FOXN3: variants seen among roughly 807,000 people sequenced by gnomAD.
FOXN3 encodes forkhead box N3, also known as forkhead box protein N3.
A neutral mutation model predicts 38.4 loss-of-function variants in FOXN3; 7 were observed. The observed-to-expected ratio is 0.18, with a 90% CI of 0.10 to 0.34. The LOEUF is 0.34. Among genes scored for constraint, FOXN3 ranks in the 10% least tolerant of loss-of-function variants. The probability of loss-of-function intolerance (pLI) is 1.00; values close to 1 mark genes in which losing one functional copy is unlikely to be tolerated. For missense variants in FOXN3, 456 were observed against 613.4 expected, an observed-to-expected ratio of 0.74 and a Z score of 2.71; for synonymous variants, 230 against 242.2, an observed-to-expected ratio of 0.95 and a Z score of 0.47.
intron 3 of FOXN3, among the ~76,000 whole-genome samples, chr14:89,322,903 C>T (rs1294688314): frequency 6.6e-6 from 1 of 152,166 alleles, no homozygotes; most frequent in African/African-American, 2.4e-5. Flanking sequence ...AAAAGAAAGT[C>T]CCCGCTCTCA....
chr14:89,240,155 T>C (rs1176578961), intron 4 of FOXN3, among the ~76,000 whole-genome samples: 1 of 152,160 alleles, frequency 6.6e-6, no homozygotes, highest in Non-Finnish European at 1.5e-5. Context: ...TACCCAGACT[T>C]CTCGATGGAC....
intron 1 of FOXN3, among the ~76,000 whole-genome samples, chr14:89,519,178 T>C (rs1894270114): frequency 6.6e-6 from 1 of 152,172 alleles, no homozygotes; most frequent in Non-Finnish European, 1.5e-5. Flanking sequence ...AAGCCCCAGC[T>C]GCAGATGCCT....
At chr14:89,479,316 G>A (rs947265999) in intron 1 of FOXN3, among the ~76,000 whole-genome samples, 9 of 152,012 alleles carry the variant, frequency 5.9e-5, no homozygotes, top group African/African-American at 1.7e-4. Context: ...CCTCTCTCTC[G>A]GGAGCCCTAA....
intron 1 of FOXN3, among the ~76,000 whole-genome samples, chr14:89,490,495 C>G (rs1359245448): frequency 1.3e-5 from 2 of 152,204 alleles, no homozygotes; most frequent in Non-Finnish European, 2.9e-5. Flanking sequence ...GTCCACACAC[C>G]TGGGGCGCTA....
chr14:89,411,235 T>C (rs1255228126), intron 2 of FOXN3, among the ~76,000 whole-genome samples: 1 of 152,224 alleles, frequency 6.6e-6, no homozygotes, highest in Non-Finnish European at 1.5e-5. Context: ...CCCTTGGCTC[T>C]CCACAAAATG....
intron 2 of FOXN3, among the ~76,000 whole-genome samples, chr14:89,399,840 G>A (rs1891200006): frequency 6.6e-6 from 1 of 152,210 alleles, no homozygotes; most frequent in Admixed American, 6.5e-5. Flanking sequence ...TGAAAGCAAG[G>A]AAGCCGCCAC....
chr14:89,367,599 C>T (rs532762709), intron 2 of FOXN3, among the ~76,000 whole-genome samples: 1 of 152,114 alleles, frequency 6.6e-6, no homozygotes, highest in Non-Finnish European at 1.5e-5. Flanking sequence ...AGTGCTCCAG[C>T]GGGAACACAG....
At chr14:89,522,424 A>C (rs1894340667) in intron 1 of FOXN3, among the ~76,000 whole-genome samples, 1 of 152,230 alleles carries the variant, frequency 6.6e-6, no homozygotes, top group Non-Finnish European at 1.5e-5. Flanking sequence ...TGTACACAAA[A>C]GAATGAAAAG....
chr14:89,311,759 G>A (rs900931676), intron 3 of FOXN3, among the ~76,000 whole-genome samples: 20 of 152,276 alleles, frequency 1.3e-4, no homozygotes, highest in Non-Finnish European at 2.2e-4. Flanking sequence ...CTGGGAGGCA[G>A]AGGTTGCAGT....
intron 1 of FOXN3, among the ~76,000 whole-genome samples, chr14:89,425,680 T>G (rs1158479042): frequency 6.6e-6 from 1 of 152,216 alleles, no homozygotes; most frequent in Non-Finnish European, 1.5e-5. Flanking sequence ...CTGATTATTT[T>G]TATTCATAGT....
chr14:89,521,224 C>A (rs1894308642), intron 1 of FOXN3, among the ~76,000 whole-genome samples: 2 of 151,902 alleles, frequency 1.3e-5, no homozygotes, highest in Admixed American at 6.6e-5. Context: ...GCAGGAGAAT[C>A]GCCTGAACCA....
chr14:89,613,756 G>A (rs1054380885), intron 1 of FOXN3, among the ~76,000 whole-genome samples: 33 of 152,354 alleles, frequency 2.2e-4, no homozygotes, highest in African/African-American at 7.9e-4. Context: ...AGAATGTACA[G>A]AGGGGTCTGT....
intron 1 of FOXN3, among the ~76,000 whole-genome samples, chr14:89,520,071 C>T (rs562757741): frequency 5.8e-5 from 8 of 138,530 alleles, no homozygotes; most frequent in East Asian, 2.1e-4. Flanking sequence ...TGGAGTGCAG[C>T]GGCACGAGCG....
chr14:89,387,885 T>C (rs1409029345), intron 2 of FOXN3, among the ~76,000 whole-genome samples: 1 of 152,058 alleles, frequency 6.6e-6, no homozygotes, highest in Admixed American at 6.6e-5. Flanking sequence ...CAACATGAAA[T>C]AAGGTGGCTA....
At chr14:89,237,218 T>C (rs1356937224) in intron 4 of FOXN3, among the ~76,000 whole-genome samples, 3 of 152,040 alleles carry the variant, frequency 2.0e-5, no homozygotes, top group Admixed American at 2.0e-4. Flanking sequence ...AGATGGCAAA[T>C]ATGCACATGG....
intron 2 of FOXN3, among the ~76,000 whole-genome samples, chr14:89,400,553 C>G (rs999097684): frequency 1.3e-5 from 2 of 152,196 alleles, no homozygotes; most frequent in African/African-American, 4.8e-5. Flanking sequence ...AACCCCCAAC[C>G]CTGGCTCAAG....
chr14:89,519,883 A>C (rs1400389303), intron 1 of FOXN3, among the ~76,000 whole-genome samples: 1 of 152,240 alleles, frequency 6.6e-6, no homozygotes, highest in African/African-American at 2.4e-5. Context: ...CAATCAAATA[A>C]GCAAACAAAC....
chr14:89,202,117 C>T (rs1258386002), intron 4 of FOXN3, among the ~76,000 whole-genome samples: 4 of 152,244 alleles, frequency 2.6e-5, no homozygotes, highest in Admixed American at 6.5e-5. Context: ...ACACTAACTG[C>T]GTGCCCACCT....
At chr14:89,591,762 A>G (rs1895957658) in intron 1 of FOXN3, among the ~76,000 whole-genome samples, 1 of 152,166 alleles carries the variant, frequency 6.6e-6, no homozygotes, top group South Asian at 2.1e-4. Context: ...CCATCTCTAC[A>G]AAAAATTTTA....
Sources: allele counts gnomAD v4.1 joint callset (sites outside exome capture counted in the v4.1 genomes callset), GRCh38; gene constraint gnomAD v4.1.1; transcripts MANE v1.5; gene names NCBI Gene and HGNC (gene_info 2026-07-23, HGNC 2026-07-21).